PHF20: variants seen among roughly 807,000 people sequenced by gnomAD.
PHF20 encodes glioma-expressed antigen 2.
A neutral mutation model predicts 113.5 loss-of-function variants in PHF20; 23 were observed. The ratio of observed to expected loss-of-function variants is 0.20; its 90% confidence interval spans 0.15 to 0.29. The LOEUF (loss-of-function observed/expected upper bound fraction) is 0.29, where lower values mean the gene tolerates loss of function less well. PHF20 is among the 10% of genes least tolerant of loss of function. The pLI is 1.00. For missense variants in PHF20, 943 were observed against 1,219.6 expected, an observed-to-expected ratio of 0.77 and a Z score of 3.38; for synonymous variants, 434 against 457.3, an observed-to-expected ratio of 0.95 and a Z score of 0.65.
At chr20:35,804,945 A>G (rs1600755706) in intron 2 of PHF20, among the ~76,000 whole-genome samples, 1 of 152,198 alleles carries the variant, frequency 6.6e-6, no homozygotes, top group South Asian at 2.1e-4. Flanking sequence ...TTTGTTGCCT[A>G]GGCTGTAATG....
At chr20:35,818,733 C>T (rs935521199) in intron 2 of PHF20, among the ~76,000 whole-genome samples, 3 of 151,924 alleles carry the variant, frequency 2.0e-5, no homozygotes, top group East Asian at 3.9e-4. Flanking sequence ...GACTGAGTCT[C>T]GCTGTGTTGC....
At chr20:35,777,725 G>T (rs2041203443) in intron 1 of PHF20, among the ~76,000 whole-genome samples, 1 of 152,202 alleles carries the variant, frequency 6.6e-6, no homozygotes, top group Admixed American at 6.5e-5. Context: ...TTGGGAGGCT[G>T]ACGAGGGAGT....
At position 35,858,308 on chromosome 20, in the gene PHF20, A is replaced by G; in HGVS notation, c.347A>G (p.Tyr116Cys). 6.5e-7 allele frequency: 1 copy of G among 1,541,260 alleles called. No individual in the cohort carries two copies. The highest frequency in any genetic ancestry group is 8.9e-7 in the Non-Finnish European group (1 of 1,117,344). The part of the protein sequence containing the change: ...KVTAVNKDGT[Y>C]TVKFYDGVVQ... Reference sequence around the variant, plus strand: ...ATATCTTCTTGAATTTTAGGTACTTACACTGTGAAATTTTATGATGGAGTA... The same window carrying G: ...ATATCTTCTTGAATTTTAGGTACTTGCACTGTGAAATTTTATGATGGAGTA... The change falls in exon 5 of 18, where the codon TAC becomes TGC. Residue 116 changes from tyrosine (Y) to cysteine (C), a missense_variant. Tyr to Cys is a radical substitution (Grantham distance 194). Transcript: ENST00000374012.
intron 1 of PHF20, among the ~76,000 whole-genome samples, chr20:35,791,649 G>T (rs1047637559): frequency 6.6e-6 from 1 of 150,992 alleles, no homozygotes; most frequent in Non-Finnish European, 1.5e-5. Context: ...AGACAGTATT[G>T]ATTTGGATCT....
chr20:35,797,889 A>T (rs1341255422), intron 1 of PHF20, among the ~76,000 whole-genome samples: 3 of 151,702 alleles, frequency 2.0e-5, no homozygotes, highest in Non-Finnish European at 4.4e-5. Context: ...TGACCTTGTG[A>T]TCCTCCCACC....
At chr20:35,858,592 A>G (rs2042880264) in intron 5 of PHF20, among the ~76,000 whole-genome samples, 1 of 152,180 alleles carries the variant, frequency 6.6e-6, no homozygotes, top group Non-Finnish European at 1.5e-5. Flanking sequence ...TTATTTAGAA[A>G]CAGAGTCCCG....
chr20:35,786,514 C>T (rs998038854), intron 1 of PHF20, among the ~76,000 whole-genome samples: 1 of 152,028 alleles, frequency 6.6e-6, no homozygotes, highest in African/African-American at 2.4e-5. Context: ...CTATGCTGGC[C>T]AACATGGTGA....
At chr20:35,786,155 G>A (rs976893240) in intron 1 of PHF20, among the ~76,000 whole-genome samples, 8 of 152,104 alleles carry the variant, frequency 5.3e-5, no homozygotes, top group Non-Finnish European at 1.5e-5. Context: ...TTGGGAGGCC[G>A]AGGCAGGTGG....
At chr20:35,793,189 G>T (rs2041592058) in intron 1 of PHF20, among the ~76,000 whole-genome samples, 1 of 152,122 alleles carries the variant, frequency 6.6e-6, no homozygotes, top group Non-Finnish European at 1.5e-5. Context: ...TTCTGCCGGA[G>T]ATTCTTTGCC....
At chr20:35,877,534 C>T (rs2054552979) in intron 9 of PHF20, among the ~76,000 whole-genome samples, 1 of 151,128 alleles carries the variant, frequency 6.6e-6, no homozygotes, top group Admixed American at 6.6e-5. Flanking sequence ...ACTGCAACCT[C>T]CGCCTCCCAG....
intron 9 of PHF20, among the ~76,000 whole-genome samples, chr20:35,881,120 C>T (rs1028937432): frequency 1.7e-4 from 21 of 125,436 alleles, no homozygotes; most frequent in Admixed American, 1.2e-3. Context: ...TGTAGTGGTG[C>T]GATTTCTGCT....
chr20:35,857,903 C>T (rs2042867765), intron 4 of PHF20, among the ~76,000 whole-genome samples: 1 of 152,142 alleles, frequency 6.6e-6, no homozygotes, highest in Non-Finnish European at 1.5e-5. Context: ...AGAGCTATTA[C>T]TGCCCCCGAT....
At chr20:35,818,432 T>C (rs935502659) in intron 2 of PHF20, among the ~76,000 whole-genome samples, 2 of 152,132 alleles carry the variant, frequency 1.3e-5, no homozygotes, top group Non-Finnish European at 2.9e-5. Flanking sequence ...GGCTAAGTTT[T>C]GTATTTTTTG....
chr20:35,926,603 A>G lies in PHF20; in HGVS notation c.2005-1177A>G, dbSNP rs1381245573. 2.6e-5 allele frequency among the ~76,000 whole-genome samples: 4 copies of G among 152,224 alleles called. No individual in the cohort carries two copies. In the East Asian group the frequency reaches 5.8e-4, roughly 22 times the overall value. On this transcript the variant is annotated intron_variant, in intron 13 of 17. Coordinates refer to ENST00000374012, the MANE Select transcript of PHF20 (RefSeq NM_016436.5). ...ACTGACCGCCTTTTTGTCACTTTACATATCTTCTCTGAGCCTTAGTTTCCT... is the reference window on the plus strand; with the variant it reads ...ACTGACCGCCTTTTTGTCACTTTACGTATCTTCTCTGAGCCTTAGTTTCCT...
Position 35,810,497 on chromosome 20 carries a change from C to CT in PHF20, c.83+8893dup, listed in dbSNP as rs1408597998. On this transcript the variant is annotated intron_variant, in intron 2 of 17. Transcript: ENST00000374012. ...CTGAACCCATAAAAGCCCTGCCACA[C>CT]TGAGAGGGAGACTACCTGTCTTCAA... Among the ~76,000 whole-genome samples the CT allele has an allele frequency of 5.3e-5, 8 of 152,142 alleles. No homozygotes were observed. The East Asian group carries it at 1.5e-3, about 29-fold the overall frequency.
At chr20:35,806,792 T>A (rs981966927) in intron 2 of PHF20, among the ~76,000 whole-genome samples, 35 of 98,920 alleles carry the variant, frequency 3.5e-4, no homozygotes, top group African/African-American at 1.5e-3. Context: ...ACCTTTACTC[T>A]TTTTTTTTTT....
At chr20:35,815,025 G>A (rs1211506580) in intron 2 of PHF20, among the ~76,000 whole-genome samples, 3 of 151,382 alleles carry the variant, frequency 2.0e-5, no homozygotes, top group Admixed American at 6.6e-5. Context: ...ATGAAACCCC[G>A]TCTCTACTAA....
At chr20:35,837,319 A>G (rs920921160) in intron 2 of PHF20, among the ~76,000 whole-genome samples, 1 of 152,176 alleles carries the variant, frequency 6.6e-6, no homozygotes, top group African/African-American at 2.4e-5. Context: ...CCTAATCCCT[A>G]TCTCCTCCTA....
intron 12 of PHF20, among the ~76,000 whole-genome samples, chr20:35,916,461 G>GT (rs2055405336): frequency 6.6e-6 from 1 of 152,104 alleles, no homozygotes; most frequent in Admixed American, 6.5e-5. Context: ...TGTCTATAGA[G>GT]TTTTTGTTTT....
Sources: gnomAD v4.1 joint callset for allele counts (sites outside exome capture counted in the v4.1 genomes callset) on GRCh38, gnomAD v4.1.1 for gene constraint, MANE v1.5 for transcripts, NCBI Gene and HGNC (gene_info 2026-07-23, HGNC 2026-07-21) for gene names.